Variants in NLRC5 observed in about 807,000 individuals in gnomAD.
NLRC5 encodes protein NLRC5.
A neutral mutation model predicts 206.9 loss-of-function variants in NLRC5; 114 were observed. The ratio of observed to expected loss-of-function variants is 0.55; its 90% CI spans 0.47 to 0.64. The LOEUF is 0.64. Among genes scored for constraint, NLRC5 ranks in the 30% least tolerant of loss-of-function variants. The probability of loss-of-function intolerance (pLI) is 0.00; values close to 1 mark genes in which losing one functional copy is unlikely to be tolerated. For synonymous variants in NLRC5, 952 were observed against 962.8 expected (o/e 0.99, Z 0.21); for missense variants, 2,008 against 2,305.5 (o/e 0.87, Z 2.64).
intron 6 of NLRC5, among the ~76,000 whole-genome samples, chr16:57,027,570 T>C (rs2061380637): frequency 6.6e-6 from 1 of 152,046 alleles, no homozygotes; most frequent in South Asian, 2.1e-4. Flanking sequence ...CATGGAAGAG[T>C]CAGAGGTAGG....
intron 1 of NLRC5, among the ~76,000 whole-genome samples, chr16:57,002,979 T>C (rs1223418103): frequency 6.6e-6 from 1 of 152,006 alleles, no homozygotes; most frequent in African/African-American, 2.4e-5. Context: ...CGAACTGTCC[T>C]GTAGTGGCTG....
intron 38 of NLRC5, among the ~76,000 whole-genome samples, chr16:57,072,395 G>A (rs558149277): frequency 2.6e-5 from 4 of 152,140 alleles, no homozygotes; most frequent in African/African-American, 7.2e-5. Context: ...AGACCTGGGC[G>A]CATGCACACC....
intron 15 of NLRC5, among the ~76,000 whole-genome samples, chr16:57,038,939 T>TAA (rs574142317): frequency 3.4e-4 from 37 of 108,266 alleles, no homozygotes; most frequent in African/African-American, 4.2e-4. Flanking sequence ...TGTCTCAAAT[T>TAA]AAAAAAAAAA....
intron 4 of NLRC5, among the ~76,000 whole-genome samples, chr16:57,023,526 T>A (rs2060903615): frequency 6.6e-6 from 1 of 152,170 alleles, no homozygotes; most frequent in Admixed American, 6.5e-5. Flanking sequence ...CTGTTGGCCC[T>A]GCTTCCTGCA....
chr16:57,074,790 C>T (rs767382443), intron 39 of NLRC5, 107 bp downstream of exon 39: 38 of 1,050,714 alleles, frequency 3.6e-5, no homozygotes, highest in Non-Finnish European at 5.1e-5. Context: ...GGATCCTTTG[C>T]GGATCCCTCC....
intron 11 of NLRC5, among the ~76,000 whole-genome samples, chr16:57,032,833 CA>C (rs35838664): frequency 0.029 from 3,436 of 119,220 alleles, 113 homozygotes; most frequent in African/African-American, 0.1. Flanking sequence ...CCCATCTCTA[CA>C]AAAAAAAAAA....
intron 30 of NLRC5, among the ~76,000 whole-genome samples, chr16:57,060,232 C>T (rs2066267834): frequency 6.6e-6 from 1 of 151,746 alleles, no homozygotes. Flanking sequence ...CTGACAGTGC[C>T]CCTCTGCTAC....
chr16:57,081,418 G>A (rs2069126778), intron 47 of NLRC5, 109 bp from the exon 48 acceptor site: 2 of 1,072,956 alleles, frequency 1.9e-6, no homozygotes, highest in Non-Finnish European at 2.8e-6. Flanking sequence ...AAGGTAGTGT[G>A]GGAGACTGTG....
rs752649595 is a variant in NLRC5 at position 57,026,890 on chromosome 16, C to T, written c.1947C>T (p.Thr649=). 52 of 1,614,084 alleles carry T rather than the reference C, an allele frequency of 3.2e-5. No homozygotes were observed. The highest frequency in any genetic ancestry group is 4.5e-5 in the East Asian group (2 of 44,896). The change falls in exon 6 of 49, where the codon ACC becomes ACT. Residue 649 remains threonine (T), a synonymous_variant. Coordinates refer to ENST00000688547, the MANE Select transcript of NLRC5 (RefSeq NM_001384950.1). ...TCCACAATTTCCCACTGACCTGCACCGACCTGGCCACCCTGACCAACATCC... is the reference window on the plus strand; with the variant it reads ...TCCACAATTTCCCACTGACCTGCACTGACCTGGCCACCCTGACCAACATCC... ...LPFHNFPLTC[T]DLATLTNILE... is the part of the protein sequence containing the mutation.
chr16:57,061,614 C>A lies in NLRC5; in HGVS notation c.4071-4C>A. On this transcript the variant is annotated splice_polypyrimidine_tract_variant and splice_region_variant and intron_variant, in intron 31 of 48. Transcript: ENST00000688547. Reference sequence around the variant, plus strand: ...CCACCTCAGTGACTGACCTCTGTCTCCAGGCTGACCCAGTGCTGCCTGGGC... The same window carrying A: ...CCACCTCAGTGACTGACCTCTGTCTACAGGCTGACCCAGTGCTGCCTGGGC... 1 of 1,610,034 alleles carries A rather than the reference C, an allele frequency of 6.2e-7. No individual in the cohort carries two copies.
chr16:57,062,567 A>G (rs1264417732), intron 32 of NLRC5: 1 of 159,112 alleles, frequency 6.3e-6, no homozygotes, highest in African/African-American at 2.4e-5. Flanking sequence ...TCATGATGTC[A>G]TGGCACGTGT....
Position 57,039,856 on chromosome 16 carries a change from C to A in NLRC5, c.2870+7C>A. 6.2e-7 allele frequency: 1 copy of A among 1,611,144 alleles called. No homozygotes were observed. Among genetic ancestry groups the A allele is most frequent in the Non-Finnish European group, 8.5e-7 (1 of 1,177,286 alleles). On this transcript the variant is annotated splice_region_variant and intron_variant, in intron 16 of 48. Transcript: ENST00000688547. ...AGAAGGGGCCCCAGGAGAGGTAGGG[C>A]CCGATTTCACCCCAACTCCATGCTC...
chr16:57,054,425 C>T (rs1254959923), intron 24 of NLRC5, among the ~76,000 whole-genome samples: 2 of 152,188 alleles, frequency 1.3e-5, no homozygotes, highest in East Asian at 3.8e-4. Flanking sequence ...GCACAGGTCC[C>T]ATGCCCGGCA....
At position 57,026,203 on chromosome 16, in the gene NLRC5, T is replaced by C; in HGVS notation, c.1260T>C (p.Leu420=). ...QVACLCLHHL[L]PDHAPGQSVA... ...CCTGTCTCTGCCTCCACCATCTGCT[T>C]CCTGACCACGCCCCAGGCCAGTCTG... The change falls in exon 6 of 49, where the codon CTT becomes CTC. Residue 420 remains leucine (L), a synonymous_variant. Coordinates refer to ENST00000688547, the MANE Select transcript of NLRC5 (RefSeq NM_001384950.1). The C allele has an allele frequency of 1.2e-6, 2 of 1,613,692 alleles. No individual in the cohort carries two copies. The highest frequency in any genetic ancestry group is 1.7e-6 in the Non-Finnish European group (2 of 1,180,022).
chr16:57,058,233 C>G, intron 28 of NLRC5, 85 bp downstream of exon 28: 3 of 1,130,604 alleles, frequency 2.7e-6, no homozygotes, highest in Non-Finnish European at 2.6e-6. Flanking sequence ...CTTCTGAGGG[C>G]ATCCCCCAGA....
At chr16:57,052,787 A>G (rs2065100786) in intron 24 of NLRC5, 1 of 152,112 alleles carries the variant, frequency 6.6e-6, no homozygotes, top group Non-Finnish European at 1.5e-5. Flanking sequence ...TAATAGTCCC[A>G]CCCTGCCCGG....
intron 23 of NLRC5, among the ~76,000 whole-genome samples, chr16:57,050,368 G>A (rs2064713282): frequency 6.6e-6 from 1 of 152,202 alleles, no homozygotes; most frequent in Non-Finnish European, 1.5e-5. Context: ...AGCTCACTGA[G>A]CCAGTTGATG....
intron 23 of NLRC5, 90 bp downstream of exon 23, chr16:57,047,718 G>A (rs534610796): frequency 9.0e-7 from 1 of 1,109,300 alleles, no homozygotes; most frequent in African/African-American, 1.5e-5. Context: ...AGACAGGTGA[G>A]TCTTTCTCGA....
At chr16:57,048,965 T>G (rs2064411411) in intron 23 of NLRC5, among the ~76,000 whole-genome samples, 1 of 152,210 alleles carries the variant, frequency 6.6e-6, no homozygotes, top group South Asian at 2.1e-4. Context: ...CGGGACGAGC[T>G]GCAAGTTACT....
Sources: allele counts gnomAD v4.1 joint callset (sites outside exome capture counted in the v4.1 genomes callset), GRCh38; gene constraint gnomAD v4.1.1; transcripts MANE v1.5; gene names NCBI Gene and HGNC (gene_info 2026-07-23, HGNC 2026-07-21).